Variants in SNX29 observed in about 807,000 individuals in gnomAD.
SNX29 encodes sorting nexin 29.
SNX29 carries 78 observed loss-of-function variants against 102.1 expected under a neutral mutation model. The observed-to-expected ratio is 0.76, with a 90% CI of 0.64 to 0.92. SNX29 has a LOEUF of 0.92. Among genes scored for constraint, SNX29 ranks in the 40% least tolerant of loss-of-function variants. The probability of loss-of-function intolerance (pLI) is 0.00; values close to 1 mark genes in which losing one functional copy is unlikely to be tolerated. For missense variants in SNX29, 1,280 were observed against 1,061.7 expected, an observed-to-expected ratio of 1.21 and a Z score of -2.86; for synonymous variants, 580 against 414.5, an observed-to-expected ratio of 1.40 and a Z score of -4.85.
At chr16:12,322,208 G>C (rs777061791) in intron 15 of SNX29, among the ~76,000 whole-genome samples, 2 of 152,214 alleles carry the variant, frequency 1.3e-5, no homozygotes, top group Non-Finnish European at 2.9e-5. Context: ...AGTCACGCTA[G>C]TGATGGGAGT....
At chr16:11,987,003 G>C (rs73515605) in intron 1 of SNX29, among the ~76,000 whole-genome samples, 2,612 of 152,252 alleles carry the variant, frequency 0.017, 86 homozygotes, top group African/African-American at 0.059. Flanking sequence ...TTACGGAAAA[G>C]CTTCGGATAC....
At chr16:12,315,327 G>T (rs2080697404) in intron 15 of SNX29, among the ~76,000 whole-genome samples, 1 of 152,200 alleles carries the variant, frequency 6.6e-6, no homozygotes, top group Non-Finnish European at 1.5e-5. Flanking sequence ...TGGCCAGAGA[G>T]TAAATTCTTT....
chr16:12,059,990 A>AG (rs1312582382), intron 8 of SNX29, among the ~76,000 whole-genome samples: 1 of 152,126 alleles, frequency 6.6e-6, no homozygotes, highest in East Asian at 1.9e-4. Flanking sequence ...CTTCTTAAGT[A>AG]GGTATGATTA....
At chr16:12,522,899 C>T (rs1269497425) in intron 19 of SNX29, among the ~76,000 whole-genome samples, 1 of 152,186 alleles carries the variant, frequency 6.6e-6, no homozygotes, top group Non-Finnish European at 1.5e-5. Flanking sequence ...TGCACTCTAC[C>T]TCTCGGGCTT....
chr16:12,382,741 A>C (rs1219705912), intron 16 of SNX29, among the ~76,000 whole-genome samples: 1 of 152,124 alleles, frequency 6.6e-6, no homozygotes, highest in Non-Finnish European at 1.5e-5. Context: ...CTAGGGGAAG[A>C]TCCTTCCCTG....
intron 14 of SNX29, among the ~76,000 whole-genome samples, chr16:12,242,660 C>CT (rs1182673798): frequency 0.03 from 4,357 of 143,260 alleles, 263 homozygotes; most frequent in African/African-American, 0.11. Flanking sequence ...CTTCTCTTCT[C>CT]TTTTTTTTTT....
Position 12,077,243 on chromosome 16 carries a change from C to T in SNX29, c.1320-1590C>T, listed in dbSNP as rs552360530. 2.4e-4 allele frequency among the ~76,000 whole-genome samples: 37 copies of T among 151,800 alleles called. No homozygotes were observed. In the South Asian group the frequency reaches 7.7e-3, roughly 32 times the overall value. On this transcript the variant is annotated intron_variant, in intron 10 of 20. Transcript: ENST00000566228. The stretch of plus-strand genomic sequence containing the variant: ...TCAGCGAGCTGAGATTGCACCACTG[C>T]ACTCCAGCCTAGTTAACGGAGTGAG...
At chr16:12,213,629 C>T (rs920008818) in intron 14 of SNX29, among the ~76,000 whole-genome samples, 1 of 152,188 alleles carries the variant, frequency 6.6e-6, no homozygotes, top group African/African-American at 2.4e-5. Context: ...GGTCACAGCA[C>T]ATTAGCAGAC....
intron 13 of SNX29, among the ~76,000 whole-genome samples, chr16:12,133,481 G>A (rs200318735): frequency 1.3e-5 from 2 of 151,538 alleles, no homozygotes; most frequent in East Asian, 3.9e-4. Flanking sequence ...TGTACAGACG[G>A]GGTTTTGCCA....
At chr16:12,203,701 G>C (rs1232906850) in intron 14 of SNX29, among the ~76,000 whole-genome samples, 2 of 152,168 alleles carry the variant, frequency 1.3e-5, no homozygotes, top group African/African-American at 4.8e-5. Context: ...GGTCTTTGCT[G>C]TAAGACAACC....
intron 18 of SNX29, among the ~76,000 whole-genome samples, chr16:12,448,376 C>G (rs1033203294): frequency 5.9e-5 from 9 of 152,124 alleles, no homozygotes; most frequent in African/African-American, 2.2e-4. Flanking sequence ...GCGTTTTTAC[C>G]TGATTCCCAT....
chr16:12,224,586 G>A (rs149471582), intron 14 of SNX29, among the ~76,000 whole-genome samples: 28 of 152,354 alleles, frequency 1.8e-4, no homozygotes, highest in Middle Eastern at 3.4e-3. Context: ...TGAAGGTTGA[G>A]TATGAGTTCT....
chr16:12,133,773 A>G (rs780934496), intron 13 of SNX29, among the ~76,000 whole-genome samples: 8 of 152,210 alleles, frequency 5.3e-5, no homozygotes, highest in Admixed American at 3.3e-4. Context: ...CAAAAGTTCT[A>G]TTTTAACAGC....
chr16:12,525,548 T>C (rs530965609), intron 20 of SNX29, among the ~76,000 whole-genome samples: 1 of 151,970 alleles, frequency 6.6e-6, no homozygotes, highest in Admixed American at 6.6e-5. Flanking sequence ...AAAAATTAGC[T>C]GGGCATGGTG....
At chr16:12,151,000 T>C (rs917015577) in intron 13 of SNX29, among the ~76,000 whole-genome samples, 1 of 151,446 alleles carries the variant, frequency 6.6e-6, no homozygotes, top group South Asian at 2.1e-4. Context: ...CCCTGTCTGC[T>C]GTATGGCCAC....
At chr16:12,435,295 G>A (rs937197372) in intron 18 of SNX29, among the ~76,000 whole-genome samples, 11 of 152,118 alleles carry the variant, frequency 7.2e-5, no homozygotes, top group Non-Finnish European at 1.6e-4. Flanking sequence ...CATTTTGCAG[G>A]GACACACTTC....
intron 15 of SNX29, among the ~76,000 whole-genome samples, chr16:12,298,292 A>T (rs2080048096): frequency 6.6e-6 from 1 of 152,232 alleles, no homozygotes; most frequent in African/African-American, 2.4e-5. Context: ...TGGTATGATG[A>T]TGATGACAGT....
chr16:12,295,363 T>C (rs1432059946), intron 15 of SNX29, among the ~76,000 whole-genome samples: 2 of 152,226 alleles, frequency 1.3e-5, no homozygotes, highest in African/African-American at 4.8e-5. Flanking sequence ...GAACATTCCT[T>C]CTCTTCCTAC....
intron 18 of SNX29, among the ~76,000 whole-genome samples, chr16:12,410,115 C>T (rs1294395678): frequency 6.6e-6 from 1 of 152,098 alleles, no homozygotes; most frequent in Admixed American, 6.5e-5. Context: ...CTGCCTCAGC[C>T]TCCTGAGTAG....
Sources: gnomAD v4.1 joint callset for allele counts (sites outside exome capture counted in the v4.1 genomes callset) on GRCh38, gnomAD v4.1.1 for gene constraint, MANE v1.5 for transcripts, NCBI Gene and HGNC (gene_info 2026-07-23, HGNC 2026-07-21) for gene names.